The following NEK11 variants were observed in gnomAD, a reference collection of about 807,000 sequenced individuals.
NEK11 encodes the protein serine/threonine-protein kinase Nek11.
A neutral mutation model predicts 80.7 loss-of-function variants in NEK11; 72 were observed. That is an observed-to-expected ratio of 0.89 (90% confidence interval 0.74 to 1.08). The LOEUF is 1.08. NEK11 is among the 50% of genes least tolerant of loss of function. NEK11 has a pLI of 0.00. For synonymous variants in NEK11, 251 were observed against 260.7 expected (o/e 0.96, Z 0.36); for missense variants, 764 against 763.6 (o/e 1.00, Z -0.01).
At chr3:131,240,363 T>G (rs865845959) in intron 15 of NEK11, among the ~76,000 whole-genome samples, 1 of 152,168 alleles carries the variant, frequency 6.6e-6, no homozygotes, top group Non-Finnish European at 1.5e-5. Context: ...TGGAGTTGGC[T>G]GCAGCTTGGA....
chr3:131,333,257 C>A (rs1463737149), intron 17 of NEK11, among the ~76,000 whole-genome samples: 16 of 151,986 alleles, frequency 1.1e-4, no homozygotes, highest in Middle Eastern at 6.8e-3. Context: ...CATCAGACTA[C>A]CAGCGGATCT....
intron 12 of NEK11, among the ~76,000 whole-genome samples, chr3:131,166,712 T>C (rs922975085): frequency 1.3e-5 from 2 of 152,162 alleles, no homozygotes; most frequent in African/African-American, 4.8e-5. Flanking sequence ...AATTGGGAGA[T>C]GGGTTCTTTC....
chr3:131,315,301 C>T (rs907353728), intron 17 of NEK11, among the ~76,000 whole-genome samples: 12 of 152,132 alleles, frequency 7.9e-5, no homozygotes, highest in African/African-American at 2.7e-4. Context: ...CCATTCTATT[C>T]TCTGTTTCTA....
chr3:131,327,441 G>A (rs2096986403), intron 17 of NEK11: 1 of 152,162 alleles, frequency 6.6e-6, no homozygotes, highest in Admixed American at 6.5e-5. Context: ...CAGGGATCAG[G>A]GACCCAAGGG....
chr3:131,285,781 G>A (rs547128171), intron 17 of NEK11, among the ~76,000 whole-genome samples: 2 of 152,138 alleles, frequency 1.3e-5, no homozygotes, highest in African/African-American at 2.4e-5. Flanking sequence ...GTGTGTGCAC[G>A]CATGTCTGTG....
At chr3:131,204,979 A>G (rs1050572237) in intron 14 of NEK11, among the ~76,000 whole-genome samples, 1 of 152,138 alleles carries the variant, frequency 6.6e-6, no homozygotes, top group Non-Finnish European at 1.5e-5. Flanking sequence ...AACATGAGTT[A>G]TAGTTCAATA....
intron 5 of NEK11, among the ~76,000 whole-genome samples, chr3:131,118,513 T>G (rs1458391351): frequency 2.6e-5 from 4 of 152,216 alleles, no homozygotes; most frequent in African/African-American, 9.6e-5. Flanking sequence ...GGATCCCTCT[T>G]TTTCTGTTGA....
rs1010612316 is a variant in NEK11, at chr3:131,101,617, G to T, written c.337-8186G>T. Reference sequence around the variant, plus strand: ...ATGCTTGGTATGATTTCAAGTTTTTGAATTTATTGAGACTTGCTTTATGAC... The same window carrying T: ...ATGCTTGGTATGATTTCAAGTTTTTTAATTTATTGAGACTTGCTTTATGAC... On this transcript the variant is annotated intron_variant, in intron 4 of 17. Coordinates refer to ENST00000383366, the MANE Select transcript of NEK11 (RefSeq NM_024800.5). Among the ~76,000 whole-genome samples, 5 of 152,212 alleles carry T rather than the reference G, an allele frequency of 3.3e-5. No individual in the cohort carries two copies. The South Asian group carries it at 1.0e-3, about 32-fold the overall frequency.
At chr3:131,199,283 G>T (rs2094142724) in intron 14 of NEK11, among the ~76,000 whole-genome samples, 1 of 152,018 alleles carries the variant, frequency 6.6e-6, no homozygotes, top group Non-Finnish European at 1.5e-5. Context: ...ACAGAAAAAT[G>T]AGCAGAGGAA....
chr3:131,333,979 T>A (rs1377819220), intron 17 of NEK11, among the ~76,000 whole-genome samples: 11 of 151,844 alleles, frequency 7.2e-5, no homozygotes, highest in Admixed American at 3.9e-4. Context: ...AAGTCCTGAG[T>A]GACCTACAGA....
intron 14 of NEK11, among the ~76,000 whole-genome samples, chr3:131,202,549 A>G (rs2094280655): frequency 6.6e-6 from 1 of 152,234 alleles, no homozygotes; most frequent in Non-Finnish European, 1.5e-5. Flanking sequence ...ACCAAAAGCA[A>G]TAGCAACAAA....
At chr3:131,129,664 A>G (rs541379187) in intron 5 of NEK11, among the ~76,000 whole-genome samples, 1 of 152,298 alleles carries the variant, frequency 6.6e-6, no homozygotes, top group Admixed American at 6.5e-5. Context: ...TCTATTGTAT[A>G]TGAATGCCCA....
chr3:131,051,087 T>C (rs971662849), intron 3 of NEK11, among the ~76,000 whole-genome samples: 2 of 152,190 alleles, frequency 1.3e-5, no homozygotes, highest in African/African-American at 4.8e-5. Flanking sequence ...TTGGGAAATG[T>C]AGTGGAAAAT....
intron 14 of NEK11, among the ~76,000 whole-genome samples, chr3:131,190,919 C>T (rs1317535540): frequency 1.3e-5 from 2 of 152,026 alleles, no homozygotes; most frequent in Non-Finnish European, 2.9e-5. Flanking sequence ...TGGAAAAAAG[C>T]CTTAGTGTAC....
intron 11 of NEK11, among the ~76,000 whole-genome samples, chr3:131,162,905 C>T (rs2091805206): frequency 6.6e-6 from 1 of 152,154 alleles, no homozygotes; most frequent in Non-Finnish European, 1.5e-5. Flanking sequence ...ACCAGGAGAC[C>T]TCACTTATTT....
chr3:131,276,750 A>G (rs906588765), intron 17 of NEK11, among the ~76,000 whole-genome samples: 9 of 152,220 alleles, frequency 5.9e-5, no homozygotes. Flanking sequence ...TAATATAACC[A>G]TAGTATGATG....
intron 17 of NEK11, among the ~76,000 whole-genome samples, chr3:131,338,254 G>A (rs534817150): frequency 1.3e-4 from 19 of 149,274 alleles, no homozygotes; most frequent in South Asian, 6.4e-4. Context: ...CATGAGCCAC[G>A]GCGCCCAGCT....
At chr3:131,304,564 T>G (rs762843670) in intron 17 of NEK11, among the ~76,000 whole-genome samples, 10 of 152,002 alleles carry the variant, frequency 6.6e-5, no homozygotes, top group Non-Finnish European at 7.3e-5. Context: ...TTCTTGTGGA[T>G]GGGTTTTTTG....
intron 17 of NEK11, among the ~76,000 whole-genome samples, chr3:131,318,735 A>ATGTG (rs199977425): frequency 8.9e-5 from 11 of 124,262 alleles, no homozygotes; most frequent in African/African-American, 2.6e-4. Flanking sequence ...GCGTGTGTAC[A>ATGTG]TGTGTATATA....
Sources: allele counts gnomAD v4.1 joint callset (sites outside exome capture counted in the v4.1 genomes callset), GRCh38; gene constraint gnomAD v4.1.1; transcripts MANE v1.5; gene names NCBI Gene and HGNC (gene_info 2026-07-23, HGNC 2026-07-21).